The following MTUS2 variants were observed in gnomAD, a reference collection of about 807,000 sequenced individuals.
MTUS2 encodes microtubule associated scaffold protein 2.
Under a neutral mutation model 114.1 loss-of-function variants are expected in MTUS2, and 40 were observed. The ratio of observed to expected loss-of-function variants is 0.35; its 90% confidence interval spans 0.27 to 0.46. The LOEUF is 0.46. MTUS2 is among the 20% of genes least tolerant of loss of function. MTUS2 has a pLI of 1.00. For missense variants in MTUS2, 1,679 were observed against 1,705.4 expected (o/e 0.98, Z 0.27); for synonymous variants, 688 against 672.0 (o/e 1.02, Z -0.37).
chr13:29,163,617 G>A (rs776155695), intron 5 of MTUS2, among the ~76,000 whole-genome samples: 1 of 152,134 alleles, frequency 6.6e-6, no homozygotes, highest in Non-Finnish European at 1.5e-5. Flanking sequence ...TGGTTAGGTG[G>A]TTGTTGGTCA....
chr13:29,190,791 A>G (rs1026430910), intron 5 of MTUS2, among the ~76,000 whole-genome samples: 6 of 152,200 alleles, frequency 3.9e-5, no homozygotes, highest in African/African-American at 9.6e-5. Flanking sequence ...GTCCTCTCTC[A>G]ATAGAGGGCT....
At chr13:28,956,479 G>C (rs186594559) in intron 2 of MTUS2, among the ~76,000 whole-genome samples, 2 of 152,198 alleles carry the variant, frequency 1.3e-5, no homozygotes, top group African/African-American at 4.8e-5. Context: ...AGTAAAACTT[G>C]GTTGGCTTCC....
At chr13:29,075,490 GT>G (rs1329002016) in intron 4 of MTUS2, among the ~76,000 whole-genome samples, 4 of 152,164 alleles carry the variant, frequency 2.6e-5, no homozygotes, top group Non-Finnish European at 5.9e-5. Flanking sequence ...ATCTCTGACT[GT>G]TTTAGTCTAA....
chr13:29,279,854 A>G (rs1898201140), intron 5 of MTUS2, among the ~76,000 whole-genome samples: 1 of 152,220 alleles, frequency 6.6e-6, no homozygotes, highest in South Asian at 2.1e-4. Flanking sequence ...ATTTGATACA[A>G]GTGCATTTGA....
chr13:28,963,168 G>A (rs986934890), intron 2 of MTUS2, among the ~76,000 whole-genome samples: 12 of 152,084 alleles, frequency 7.9e-5, no homozygotes, highest in Admixed American at 2.6e-4. Context: ...TAGCTAACAC[G>A]GTGAAACCCC....
chr13:29,425,500 T>C (rs1289849071), intron 8 of MTUS2, among the ~76,000 whole-genome samples: 3 of 151,872 alleles, frequency 2.0e-5, no homozygotes, highest in Admixed American at 2.0e-4. Context: ...GGTAACAGTC[T>C]TGGTAATTGC....
At chr13:29,357,670 G>T (rs545138134) in intron 7 of MTUS2, among the ~76,000 whole-genome samples, 1 of 152,296 alleles carries the variant, frequency 6.6e-6, no homozygotes, top group Non-Finnish European at 1.5e-5. Context: ...TATTCAGGTT[G>T]ATTTGCCTAC....
At chr13:29,170,800 C>G (rs955692793) in intron 5 of MTUS2, among the ~76,000 whole-genome samples, 3 of 152,204 alleles carry the variant, frequency 2.0e-5, no homozygotes, top group Non-Finnish European at 4.4e-5. Flanking sequence ...TATTCTACTT[C>G]CCATAAAGTG....
chr13:29,440,279 A>C (rs1205406577), intron 9 of MTUS2, among the ~76,000 whole-genome samples: 3 of 152,204 alleles, frequency 2.0e-5, no homozygotes, highest in Non-Finnish European at 4.4e-5. Flanking sequence ...AGTGGAACTC[A>C]TCAGGTCTTG....
intron 5 of MTUS2, chr13:29,250,687 A>G (rs1418361169): frequency 6.6e-6 from 1 of 152,120 alleles, no homozygotes; most frequent in African/African-American, 2.4e-5. Flanking sequence ...ATTTTGGCTT[A>G]CATACGACTT....
At chr13:29,120,259 TC>T (rs1891253078) in intron 5 of MTUS2, among the ~76,000 whole-genome samples, 1 of 152,106 alleles carries the variant, frequency 6.6e-6, no homozygotes, top group South Asian at 2.1e-4. Flanking sequence ...GGTATTCATA[TC>T]ATGAATACCT....
In MTUS2 at chr13:29,025,415, G is replaced by T; in HGVS notation, c.717G>T (p.Lys239Asn). The stretch of plus-strand genomic sequence containing the variant: ...CAACTGACAGTACCTCAGAGGGAAA[G>T]AGTGTGCGTCATCCTAAACCATCTA... ...FPATDSTSEG[K>N]SVRHPKPSTS... is the part of the protein sequence containing the mutation. The change falls in exon 3 of 16, where the codon AAG becomes AAT. Residue 239 changes from lysine to asparagine, a missense_variant. This residue lies in a region of MTUS2 where 843 missense variants were observed against 770.8 expected (regional missense o/e 1.09). Transcript: ENST00000612955. The T allele has an allele frequency of 6.2e-7, 1 of 1,613,762 alleles. No homozygotes were observed. Among genetic ancestry groups the T allele is most frequent in the Non-Finnish European group, 8.5e-7 (1 of 1,179,840 alleles).
intron 14 of MTUS2, 124 bp from the exon 15 acceptor site, chr13:29,500,973 A>G: frequency 2.9e-6 from 2 of 686,896 alleles, no homozygotes; most frequent in Non-Finnish European, 5.1e-6. Flanking sequence ...CCACTAAAGC[A>G]TTGCGAACTG....
chr13:29,095,264 T>G (rs1224808530), intron 4 of MTUS2, among the ~76,000 whole-genome samples: 6 of 152,146 alleles, frequency 3.9e-5, no homozygotes, highest in Non-Finnish European at 8.8e-5. Flanking sequence ...CTCGAACTAT[T>G]ATTTTGAATT....
intron 2 of MTUS2, among the ~76,000 whole-genome samples, chr13:28,857,253 G>A (rs1876690577): frequency 6.6e-6 from 1 of 152,188 alleles, no homozygotes; most frequent in South Asian, 2.1e-4. Flanking sequence ...AGAAGACAAA[G>A]GCAAGCCTTC....
At chr13:29,144,365 A>ATTT (rs200473116) in intron 5 of MTUS2, among the ~76,000 whole-genome samples, 1 of 142,956 alleles carries the variant, frequency 7.0e-6, no homozygotes, top group Non-Finnish European at 1.5e-5. Flanking sequence ...CTGGGGAATA[A>ATTT]TTTTTTTTTT....
intron 4 of MTUS2, among the ~76,000 whole-genome samples, chr13:29,087,797 G>A (rs1371653381): frequency 2.6e-5 from 4 of 152,156 alleles, no homozygotes; most frequent in South Asian, 2.1e-4. Context: ...AGTGGCTCAC[G>A]CCTGTAATCC....
intron 6 of MTUS2, among the ~76,000 whole-genome samples, chr13:29,316,216 A>G (rs1899982775): frequency 1.3e-5 from 2 of 152,196 alleles, no homozygotes; most frequent in African/African-American, 2.4e-5. Context: ...GAGAGTTTGA[A>G]GGAGACCTCC....
intron 2 of MTUS2, among the ~76,000 whole-genome samples, chr13:29,014,515 T>C (rs1436315624): frequency 6.6e-6 from 1 of 152,212 alleles, no homozygotes; most frequent in Non-Finnish European, 1.5e-5. Flanking sequence ...ACCTTTATTC[T>C]ATTGGGAGAG....
Sources: gnomAD v4.1 joint callset for allele counts (sites outside exome capture counted in the v4.1 genomes callset) on GRCh38, gnomAD v4.1.1 for gene constraint, gnomAD v4.1.1 regional missense constraint, MANE v1.5 for transcripts, NCBI Gene and HGNC (gene_info 2026-07-23, HGNC 2026-07-21) for gene names.